FAM149A: variants seen among roughly 807,000 people sequenced by gnomAD.
FAM149A encodes protein FAM149A.
In FAM149A, 71 loss-of-function variants were observed where a neutral mutation model predicts 78.2. The observed-to-expected ratio is 0.91, with a 90% CI of 0.75 to 1.11. The LOEUF is 1.11. Among genes scored for constraint, FAM149A ranks in the 50% least tolerant of loss-of-function variants. The pLI is 0.00. For missense variants in FAM149A, 1,036 were observed against 971.0 expected (o/e 1.07, Z -0.89); for synonymous variants, 446 against 410.5 (o/e 1.09, Z -1.04).
intron 1 of FAM149A, among the ~76,000 whole-genome samples, chr4:186,134,561 A>G (rs36044384): frequency 0.19 from 29,592 of 152,138 alleles, 3,170 homozygotes; most frequent in South Asian, 0.28. Flanking sequence ...GTGCTCTCCC[A>G]AATGTCTTCG....
At position 186,149,705 on chromosome 4, in the gene FAM149A, G is replaced by T. The variant is rs1733317746; in HGVS notation, c.789+1G>T. The T allele has an allele frequency of 1.6e-6, 2 of 1,271,970 alleles. No homozygotes were observed. Among genetic ancestry groups the T allele is most frequent in the Non-Finnish European group, 2.0e-6 (2 of 982,922 alleles). The allele number at this position is 1,271,970 out of a possible 1,614,324, so 78.8% of individuals were successfully genotyped here. On this transcript the variant is annotated splice_donor_variant, in intron 3 of 13. Coordinates refer to ENST00000389354, the MANE Select transcript of FAM149A (RefSeq NM_001367768.3). LOFTEE classifies it high-confidence loss of function. ...CTCCGTTTATTCCTGGAGAGATGAC[G>T]TATGTCTCAGAATATTTTGGATAAT...
chr4:186,154,727 G>A, intron 6 of FAM149A, 89 bp downstream of exon 6: 1 of 1,451,658 alleles, frequency 6.9e-7, no homozygotes, highest in Non-Finnish European at 9.1e-7. Context: ...TAAGTGTTTT[G>A]TGTATTTTTT....
At chr4:186,149,864 AATAG>A (rs1733337482) in intron 3 of FAM149A, among the ~76,000 whole-genome samples, 160 bp downstream of exon 3, 2 of 152,236 alleles carry the variant, frequency 1.3e-5, no homozygotes, top group Admixed American at 6.5e-5. Flanking sequence ...ATGTGAAAAT[AATAG>A]ATCACGAACC....
chr4:186,162,465 G>A (rs145712068), intron 8 of FAM149A, among the ~76,000 whole-genome samples: 16 of 152,234 alleles, frequency 1.1e-4, no homozygotes, highest in South Asian at 6.2e-4. Flanking sequence ...TCCAACCTCC[G>A]GGATCTCAGA....
At chr4:186,160,747 C>T in intron 8 of FAM149A, 4 of 967,080 alleles carry the variant, frequency 4.1e-6, no homozygotes, top group Non-Finnish European at 4.9e-6. Flanking sequence ...ACACACACCA[C>T]ACCACACCAC....
At chr4:186,116,384 G>C in intron 1 of FAM149A, 2 of 770,750 alleles carry the variant, frequency 2.6e-6, no homozygotes, top group Non-Finnish European at 3.2e-6. Flanking sequence ...GCTGTAGACC[G>C]GAGCTGTTCC....
chr4:186,124,925 G>C (rs1029805351), intron 1 of FAM149A, among the ~76,000 whole-genome samples: 4 of 152,114 alleles, frequency 2.6e-5, no homozygotes, highest in African/African-American at 9.7e-5. Flanking sequence ...TCCAGCACCT[G>C]TTGTTTCCTG....
chr4:186,167,304 G>A, intron 13 of FAM149A, 42 bp downstream of exon 13: 1 of 1,523,084 alleles, frequency 6.6e-7, no homozygotes, highest in Non-Finnish European at 9.1e-7. Flanking sequence ...TGTAGTAAGT[G>A]AGATTTCAAG....
chr4:186,167,532 A>G (rs904259174), intron 13 of FAM149A: 5 of 426,488 alleles, frequency 1.2e-5, no homozygotes, highest in South Asian at 1.0e-4. Context: ...AAAAAAAAAA[A>G]TGCTGTCTTA....
chr4:186,110,151 T>C, intron 1 of FAM149A: 1 of 985,438 alleles, frequency 1.0e-6, no homozygotes, highest in Non-Finnish European at 1.2e-6. Context: ...ATTTAGCAAA[T>C]ATTTATTGAA....
At chr4:186,157,454 C>T (rs961732344) in intron 7 of FAM149A, 111 bp from the exon 8 acceptor site, 1 of 1,102,172 alleles carries the variant, frequency 9.1e-7, no homozygotes, top group Non-Finnish European at 1.3e-6. Context: ...GTGGCCGTAG[C>T]ATGGGCTCGT....
Position 186,149,663 on chromosome 4 carries a change from T to A in FAM149A, c.748T>A (p.Ser250Thr). The change falls in exon 3 of 14, where the codon TCA (serine) becomes ACA (threonine). Residue 250 changes from serine to threonine, a missense_variant. Physicochemically the swap from Ser to Thr is moderately conservative, Grantham distance 58. Coordinates refer to ENST00000389354, the MANE Select transcript of FAM149A (RefSeq NM_001367768.3). ...GGCCACACAGAGCTCTACCACCGGC[T>A]CATCCACGGAGAGGGGCTCCGTTTA... 1.6e-6 allele frequency: 2 copies of A among 1,289,708 alleles called. No homozygotes were observed. Among genetic ancestry groups the A allele is most frequent in the Non-Finnish European group, 2.0e-6 (2 of 988,750 alleles). 79.9% of individuals were successfully genotyped at this position (1,289,708 alleles called of 1,614,324 possible). A position where few individuals can be genotyped will look rare whatever the true frequency, so the allele number is the denominator to read the frequency against.
In FAM149A at chr4:186,152,024, C is replaced by T; in HGVS notation, c.911C>T (p.Thr304Ile). Residue 304 changes from threonine to isoleucine, a missense_variant, in exon 4 of 14, where the codon ACA becomes ATA. Transcript: ENST00000389354. ...CTGCTGGCCGAATGCGGGGAGTGGA[C>T]AAGAAGATCCCTCCATTTGAGGTGG... The T allele has an allele frequency of 6.2e-7, 1 of 1,613,888 alleles. No homozygotes were observed. The highest frequency in any genetic ancestry group is 8.5e-7 in the Non-Finnish European group (1 of 1,180,012).
rs2126478902 is a variant in FAM149A at position 186,153,691 on chromosome 4, C to T, written c.979C>T (p.His327Tyr). 6.2e-7 allele frequency: 1 copy of T among 1,614,096 alleles called. No homozygotes were observed. Among genetic ancestry groups the T allele is most frequent in the Non-Finnish European group, 8.5e-7 (1 of 1,179,928 alleles). The change falls in exon 5 of 14, where the codon CAT (histidine) becomes TAT (tyrosine). Residue 327 changes from histidine to tyrosine, a missense_variant. Physicochemically the swap from His to Tyr is moderately conservative, Grantham distance 83. Around this residue, in one of 3 missense-constraint regions of FAM149A, gnomAD observed 716 missense variants for 711.8 expected, o/e 1.01. Transcript: ENST00000389354. ...CCTGCCCACTGACAAAGGCGTCCAG[C>T]ATTTCCAGGGCAGCACTCCTGCCTC...
At position 186,105,441 on chromosome 4, in the gene FAM149A, G is replaced by A; in HGVS notation, c.365G>A (p.Arg122His). 1 of 1,214,838 alleles carries A rather than the reference G, an allele frequency of 8.2e-7. No homozygotes were observed. Among genetic ancestry groups the A allele is most frequent in the Non-Finnish European group, 1.0e-6 (1 of 958,308 alleles). 75.3% of individuals were successfully genotyped at this position (1,214,838 alleles called of 1,614,324 possible). Reference sequence around the variant, plus strand: ...TCCGGCGGGGGCTGCTCCCCTGCTCGCCTGGTGGTCCCAGCGCGGCCGCCC... The same window carrying A: ...TCCGGCGGGGGCTGCTCCCCTGCTCACCTGGTGGTCCCAGCGCGGCCGCCC... Residue 122 changes from arginine to histidine, a missense_variant, in exon 1 of 14, where the codon CGC becomes CAC. This residue lies in a region of FAM149A where 316 missense variants were observed against 241.9 expected (regional missense o/e 1.31). Transcript: ENST00000389354.
intron 4 of FAM149A, among the ~76,000 whole-genome samples, chr4:186,152,786 C>T (rs371139716): frequency 2.6e-5 from 4 of 151,982 alleles, no homozygotes; most frequent in East Asian, 1.9e-4. Flanking sequence ...ACTCGTGATC[C>T]GCCCGCCTCA....
chr4:186,157,168 A>T (rs1444839624), intron 7 of FAM149A, among the ~76,000 whole-genome samples: 3 of 142,400 alleles, frequency 2.1e-5, no homozygotes, highest in African/African-American at 7.5e-5. Context: ...TACATACAAA[A>T]TATTCTCTAA....
intron 1 of FAM149A, chr4:186,125,111 G>C (rs1192910319): frequency 4.0e-6 from 1 of 249,250 alleles, no homozygotes; most frequent in East Asian, 1.8e-4. Flanking sequence ...TGATGGGCTT[G>C]TCATTTTTAT....
chr4:186,151,029 C>G (rs1733537221), intron 3 of FAM149A: 1 of 985,156 alleles, frequency 1.0e-6, no homozygotes, highest in South Asian at 4.7e-5. Context: ...AAAAGTGGTT[C>G]CCCACTCCCA....
Sources: allele counts gnomAD v4.1 joint callset (sites outside exome capture counted in the v4.1 genomes callset), GRCh38; gene constraint gnomAD v4.1.1; regional missense constraint gnomAD v4.1.1; transcripts MANE v1.5; gene names NCBI Gene and HGNC (gene_info 2026-07-23, HGNC 2026-07-21).